The following IL1RAP variants were observed in gnomAD, a reference collection of about 807,000 sequenced individuals.
IL1RAP encodes interleukin-1 receptor accessory protein.
IL1RAP carries 35 observed loss-of-function variants against 60.7 expected under a neutral mutation model. The ratio of observed to expected loss-of-function variants is 0.58; its 90% CI spans 0.44 to 0.76. The LOEUF (loss-of-function observed/expected upper bound fraction) is 0.76. Ranked by LOEUF, IL1RAP falls within the 30% of genes least tolerant of loss-of-function variation. The probability of loss-of-function intolerance (pLI) is 0.00; values close to 1 mark genes in which losing one functional copy is unlikely to be tolerated. For missense variants in IL1RAP, 572 were observed against 693.9 expected, an observed-to-expected ratio of 0.82 and a Z score of 1.97; for synonymous variants, 268 against 250.9, an observed-to-expected ratio of 1.07 and a Z score of -0.64.
At chr3:190,570,781 G>T (rs955732527) in intron 3 of IL1RAP, among the ~76,000 whole-genome samples, 3 of 152,048 alleles carry the variant, frequency 2.0e-5, no homozygotes, top group African/African-American at 2.4e-5. Flanking sequence ...GGTCGGGTTG[G>T]TCTGGAACTC....
At chr3:190,533,002 G>A (rs879574586) in intron 1 of IL1RAP, among the ~76,000 whole-genome samples, 1 of 152,164 alleles carries the variant, frequency 6.6e-6, no homozygotes, top group Non-Finnish European at 1.5e-5. Context: ...GGGTTGGAGA[G>A]GGGAGTAAGG....
chr3:190,601,856 C>T (rs765808324), intron 3 of IL1RAP, among the ~76,000 whole-genome samples: 1 of 152,064 alleles, frequency 6.6e-6, no homozygotes, highest in Non-Finnish European at 1.5e-5. Flanking sequence ...TCTCTGTGGT[C>T]TCTTATTTAT....
In IL1RAP at chr3:190,560,995, T is replaced by C. The variant is rs571209432; in HGVS notation, c.-1-3294T>C. On this transcript the variant is annotated intron_variant, in intron 2 of 11. Coordinates refer to ENST00000447382, the MANE Select transcript of IL1RAP (RefSeq NM_002182.4). The stretch of plus-strand genomic sequence containing the variant: ...AGCATGAGGATTATCATGCAGTAAA[T>C]TACACGGATAATGCAGGAAAGGCTG... Among the ~76,000 whole-genome samples, 8 of 152,182 alleles carry C rather than the reference T, an allele frequency of 5.3e-5. No homozygotes were observed. The South Asian group carries it at 1.2e-3, about 24-fold the overall frequency.
In IL1RAP at chr3:190,650,068, T is replaced by A. The variant is rs1157550434; in HGVS notation, c.*1363T>A. The A allele has an allele frequency of 1.6e-6, 1 of 639,548 alleles. No individual in the cohort carries two copies. Among genetic ancestry groups the A allele is most frequent in the African/African-American group, 2.0e-5 (1 of 50,036 alleles). The allele number at this position is 639,548 out of a possible 1,614,324, so 39.6% of individuals were successfully genotyped here. A position where few individuals can be genotyped will look rare whatever the true frequency, so the allele number is the denominator to read the frequency against. ...AATCCACATGCACATGAAATATATA[T>A]ATATATATAATTTGTGTGTGTGTAT... On this transcript the variant is annotated 3_prime_UTR_variant, in exon 12 of 12. Transcript: ENST00000447382.
chr3:190,610,919 AT>A (rs1730767238), intron 5 of IL1RAP, among the ~76,000 whole-genome samples: 1 of 152,188 alleles, frequency 6.6e-6, no homozygotes, highest in African/African-American at 2.4e-5. Flanking sequence ...GTCAGTTTAA[AT>A]TTATAAGTTT....
At chr3:190,656,056 C>A, downstream of IL1RAP, 1 of 1,537,224 alleles carries the variant, frequency 6.5e-7, no homozygotes. Context: ...GTACCGTCCC[C>A]TTGAGCACCC....
At chr3:190,594,790 A>G (rs933140299) in intron 3 of IL1RAP, among the ~76,000 whole-genome samples, 1 of 152,240 alleles carries the variant, frequency 6.6e-6, no homozygotes, top group Non-Finnish European at 1.5e-5. Context: ...CAGAAAAATT[A>G]CAGTTCATAG....
chr3:190,630,388 G>C (rs571548271), intron 9 of IL1RAP: 18 of 67,124 alleles, frequency 2.7e-4, no homozygotes, highest in East Asian at 8.0e-4. Flanking sequence ...GTAATGATGA[G>C]TTATCACACA....
chr3:190,565,057 T>A (rs964043526), intron 3 of IL1RAP, among the ~76,000 whole-genome samples: 11 of 152,124 alleles, frequency 7.2e-5, no homozygotes, highest in Non-Finnish European at 1.6e-4. Flanking sequence ...ACTAATCAAA[T>A]TCTTAGAAAG....
chr3:190,651,402 A>G lies in IL1RAP; in HGVS notation c.*2697A>G. 2 of 737,292 alleles carry G rather than the reference A, an allele frequency of 2.7e-6. No individual in the cohort carries two copies. The highest frequency in any genetic ancestry group is 3.3e-6 in the Non-Finnish European group (2 of 603,630). The allele number at this position is 737,292 out of a possible 1,614,324, so 45.7% of individuals were successfully genotyped here. On this transcript the variant is annotated 3_prime_UTR_variant, in exon 12 of 12. Transcript: ENST00000447382. ...ACTTATTTTCTTTCCATAGGTTTTA[A>G]TATTTTGAGAGTGTCTTTTTTATTT... is the stretch of plus-strand genomic sequence containing the variant.
Position 190,627,382 on chromosome 3 carries a change from G to A in IL1RAP, c.835G>A (p.Glu279Lys), listed in dbSNP as rs753609240. 8 of 1,613,068 alleles carry A rather than the reference G, an allele frequency of 5.0e-6. No individual in the cohort carries two copies. The highest frequency in any genetic ancestry group is 4.5e-5 in the East Asian group (2 of 44,812). ...TAGTTTTCTGATGGATTCTCGCAAT[G>A]AGGTTTGGTGGACCATTGATGGAAA... ...YFSFLMDSRN[E>K]VWWTIDGKKP... Residue 279 changes from glutamate (E) to lysine (K), a missense_variant, in exon 8 of 12, where the codon GAG (glutamate) becomes AAG (lysine). By Grantham distance (56) the Glu-to-Lys change is moderately conservative. Transcript: ENST00000447382.
At chr3:190,557,952 A>G (rs1024422678) in intron 2 of IL1RAP, among the ~76,000 whole-genome samples, 3 of 151,922 alleles carry the variant, frequency 2.0e-5, no homozygotes, top group African/African-American at 4.8e-5. Flanking sequence ...ATACTCTCCC[A>G]TTATCCCTAA....
chr3:190,552,339 CAT>C (rs774681943), intron 1 of IL1RAP, among the ~76,000 whole-genome samples: 11 of 152,138 alleles, frequency 7.2e-5, no homozygotes, highest in Non-Finnish European at 1.5e-4. Context: ...ACAGAAAAAC[CAT>C]ATAATACCTT....
At chr3:190,517,165 T>C (rs1721598909) in intron 1 of IL1RAP, among the ~76,000 whole-genome samples, 1 of 152,194 alleles carries the variant, frequency 6.6e-6, no homozygotes, top group South Asian at 2.1e-4. Flanking sequence ...TTTAAAGCAA[T>C]GGTCTCTAAG....
At chr3:190,633,313 A>G (rs187229511) in intron 9 of IL1RAP, among the ~76,000 whole-genome samples, 53 of 152,266 alleles carry the variant, frequency 3.5e-4, no homozygotes, top group African/African-American at 1.2e-3. Context: ...ATATTGTTAA[A>G]TGTATGCCTA....
chr3:190,599,321 T>C (rs1729652591), intron 3 of IL1RAP, among the ~76,000 whole-genome samples: 1 of 152,002 alleles, frequency 6.6e-6, no homozygotes. Context: ...AATTGTGGAG[T>C]CTTTACGTGT....
chr3:190,579,553 C>A (rs1415867259), intron 3 of IL1RAP, among the ~76,000 whole-genome samples: 2 of 152,066 alleles, frequency 1.3e-5, no homozygotes, highest in African/African-American at 4.8e-5. Flanking sequence ...CCTGGCAGAC[C>A]CAAGGGATTC....
At chr3:190,517,558 T>C (rs1270385546) in intron 1 of IL1RAP, among the ~76,000 whole-genome samples, 1 of 152,228 alleles carries the variant, frequency 6.6e-6, no homozygotes, top group Non-Finnish European at 1.5e-5. Flanking sequence ...TGAAGGGATC[T>C]GTTTCTGGCC....
rs572740151 is a variant in IL1RAP, at chr3:190,583,993, T to G, written c.64+19640T>G. On this transcript the variant is annotated intron_variant, in intron 3 of 11. Transcript: ENST00000447382. ...CAACCATGTAAAAACCACCACAGTT[T>G]AGGTACAGAAAGTCCCATTATCCTC... Among the ~76,000 whole-genome samples the G allele has an allele frequency of 3.1e-4, 47 of 152,318 alleles. No individual in the cohort carries two copies. In the East Asian group the frequency reaches 7.9e-3, roughly 26 times the overall value.
Sources: allele counts gnomAD v4.1 joint callset (sites outside exome capture counted in the v4.1 genomes callset), GRCh38; gene constraint gnomAD v4.1.1; transcripts MANE v1.5; gene names NCBI Gene and HGNC (gene_info 2026-07-23, HGNC 2026-07-21).